Variants in ACOT1 observed in about 807,000 individuals in gnomAD.
The protein encoded by ACOT1 is acyl-CoA thioesterase 1.
In ACOT1, 8 loss-of-function variants were observed where a neutral mutation model predicts 15.7. The ratio of observed to expected loss-of-function variants is 0.51; its 90% CI spans 0.30 to 0.92. The LOEUF (loss-of-function observed/expected upper bound fraction) is 0.92, where lower values mean the gene tolerates loss of function less well. ACOT1 is among the 40% of genes least tolerant of loss of function. The probability of loss-of-function intolerance (pLI) is 0.06; values close to 1 mark genes in which losing one functional copy is unlikely to be tolerated. For synonymous variants in ACOT1, 67 were observed against 241.2 expected, an observed-to-expected ratio of 0.28 and a Z score of 6.69; for missense variants, 151 against 539.4, an observed-to-expected ratio of 0.28 and a Z score of 7.13.
At chr14:73,499,929 T>C in the ACOT1 span, among the ~76,000 whole-genome samples, 1 of 152,088 alleles carries the variant, frequency 6.6e-6, no homozygotes, top group African/African-American at 2.4e-5. Flanking sequence ...TTGTAAACTT[T>C]CTTAAAACAT....
the ACOT1 span, chr14:73,522,439 G>A: frequency 1.2e-6 from 2 of 1,614,240 alleles, no homozygotes; most frequent in Non-Finnish European, 1.7e-6. Flanking sequence ...CGTACTGCTG[G>A]CGCAGGAAGC....
the ACOT1 span, among the ~76,000 whole-genome samples, chr14:73,511,747 G>T: frequency 6.6e-6 from 1 of 152,158 alleles, no homozygotes; most frequent in South Asian, 2.1e-4. Context: ...GATCTTCAAG[G>T]TGGGAAATGT....
the ACOT1 span, chr14:73,520,761 A>G: frequency 2.6e-5 from 32 of 1,229,484 alleles, no homozygotes; most frequent in South Asian, 4.4e-4. Flanking sequence ...CCTCTTGTCC[A>G]TACCCACAAC....
At chr14:73,512,124 T>C in the ACOT1 span, 1 of 1,614,168 alleles carries the variant, frequency 6.2e-7, no homozygotes, top group Non-Finnish European at 8.5e-7. Context: ...GCAGGTTCTC[T>C]ACTGTCTCAT....
the ACOT1 span, chr14:73,498,284 T>A: frequency 6.2e-7 from 1 of 1,613,966 alleles, no homozygotes; most frequent in Non-Finnish European, 8.5e-7. Context: ...CTCTTCATAG[T>A]GGATAGCCCA....
the ACOT1 span, among the ~76,000 whole-genome samples, chr14:73,511,150 T>C: frequency 6.6e-6 from 1 of 152,114 alleles, no homozygotes. Context: ...ATTTTATAGA[T>C]AGGTAATTTG....
the ACOT1 span, chr14:73,522,480 T>G: frequency 1.5e-5 from 25 of 1,614,236 alleles, no homozygotes; most frequent in South Asian, 2.5e-4. Flanking sequence ...GCCCCAGGCC[T>G]TCGAGGACGC....
At chr14:73,510,141 G>A in the ACOT1 span, among the ~76,000 whole-genome samples, 1,367 of 151,858 alleles carry the variant, frequency 9.0e-3, 28 homozygotes, top group African/African-American at 0.031. Context: ...GATTACAGAC[G>A]TGTGCCACCG....
the ACOT1 span, chr14:73,492,108 T>C: frequency 0.47 from 751,296 of 1,613,460 alleles, 180,979 homozygotes; most frequent in Admixed American, 0.66. This position sits in a 1 kb window ranked among gnomAD's most constrained non-coding sequence, Gnocchi z 4.9. Flanking sequence ...CGACCCCGAG[T>C]CCCAACCGAG....
the ACOT1 span, chr14:73,492,916 C>T: frequency 6.2e-7 from 1 of 1,613,510 alleles, no homozygotes; most frequent in South Asian, 1.1e-5. The surrounding 1 kb of genome is among the most constrained non-coding windows in gnomAD (Gnocchi z 4.9). Context: ...GGCTGCTGCT[C>T]ACTAAGATGC....
the ACOT1 span, chr14:73,491,572 G>T: frequency 1.3e-6 from 2 of 1,542,002 alleles, no homozygotes; most frequent in Non-Finnish European, 1.7e-6. Context: ...ACTCCCCGCT[G>T]CGGCGCGTCT....
the ACOT1 span, chr14:73,527,266 T>C: frequency 6.6e-6 from 1 of 151,972 alleles, no homozygotes; most frequent in African/African-American, 2.4e-5. Context: ...TCCACAAGCA[T>C]CAAGAACATC....
chr14:73,504,927 G>C, the ACOT1 span, among the ~76,000 whole-genome samples: 2 of 152,050 alleles, frequency 1.3e-5, no homozygotes, highest in Non-Finnish European at 2.9e-5. Context: ...CATCTTCACC[G>C]ACAGTTGGTT....
chr14:73,506,508 C>T, the ACOT1 span: 1 of 1,613,814 alleles, frequency 6.2e-7, no homozygotes, highest in Admixed American at 1.7e-5. Context: ...GCCTGGCAGG[C>T]CACAATCCGG....
At chr14:73,508,745 C>A in the ACOT1 span, among the ~76,000 whole-genome samples, 1 of 96,112 alleles carries the variant, frequency 1.0e-5, no homozygotes, top group Admixed American at 1.7e-4. Flanking sequence ...GAGTGAAACT[C>A]TGTCTCAAAA....
At chr14:73,492,008 C>T in the ACOT1 span, 1 of 1,613,986 alleles carries the variant, frequency 6.2e-7, no homozygotes, top group Non-Finnish European at 8.5e-7. The surrounding 1 kb of genome is among the most constrained non-coding windows in gnomAD (Gnocchi z 4.9). Context: ...TTACCTCACG[C>T]CCCCTAACTC....
the ACOT1 span, chr14:73,522,298 TG>T: frequency 2.5e-6 from 4 of 1,614,090 alleles, no homozygotes; most frequent in Middle Eastern, 5.0e-4. Context: ...GCAGCAGTTC[TG>T]GCTTCTTCTT....
rs1889096234 is a variant in ACOT1 at position 73,541,783 on chromosome 14, G to C, written c.660+88G>C. On this transcript the variant is annotated intron_variant, in intron 2 of 2. Coordinates refer to ENST00000311148, the MANE Select transcript of ACOT1 (RefSeq NM_001037161.2). ...TTTTCACAGAAGTTAGCTCATTCAT[G>C]ACAGCCATTCCCTACCCCAACACAC... The C allele has an allele frequency of 2.3e-6, 2 of 885,844 alleles. 1 individual carries two copies. Among genetic ancestry groups the C allele is most frequent in the Non-Finnish European group, 3.3e-6 (2 of 613,446 alleles). 54.9% of individuals were successfully genotyped at this position (885,844 alleles called of 1,614,324 possible). A position where few individuals can be genotyped will look rare whatever the true frequency, so the allele number is the denominator to read the frequency against.
At chr14:73,520,837 G>C in the ACOT1 span, 5 of 1,610,056 alleles carry the variant, frequency 3.1e-6, no homozygotes, top group African/African-American at 5.3e-5. Flanking sequence ...TACCACAGGG[G>C]CCCAGCTCTA....
Sources: gnomAD v4.1 joint callset for allele counts (sites outside exome capture counted in the v4.1 genomes callset) on GRCh38, gnomAD v4.1.1 for gene constraint, Gnocchi (gnomAD v3.1) non-coding constraint, MANE v1.5 for transcripts, NCBI Gene and HGNC (gene_info 2026-07-23, HGNC 2026-07-21) for gene names.